IL1RAPL2: variants seen among roughly 807,000 people sequenced by gnomAD.
IL1RAPL2 encodes the protein interleukin 1 receptor accessory protein like 2.
A neutral mutation model predicts 44.1 loss-of-function variants in IL1RAPL2; 3 were observed. The observed-to-expected ratio is 0.07, with a 90% CI of 0.03 to 0.18. IL1RAPL2 has a LOEUF of 0.18. Among genes scored for constraint, IL1RAPL2 ranks in the 10% least tolerant of loss-of-function variants. IL1RAPL2 has a pLI of 1.00. For missense variants in IL1RAPL2, 391 were observed against 496.4 expected, an observed-to-expected ratio of 0.79 and a Z score of 2.02; for synonymous variants, 181 against 178.8, an observed-to-expected ratio of 1.01 and a Z score of -0.10.
intron 6 of IL1RAPL2, among the ~76,000 whole-genome samples, chrX:105,522,832 T>G (rs779493839): frequency 8.9e-6 from 1 of 111,789 alleles, no homozygotes; most frequent in African/African-American, 3.2e-5. Context: ...CAATAATCAG[T>G]ATCCTGTTTG....
At chrX:104,903,443 T>G (rs1923876123) in intron 2 of IL1RAPL2, among the ~76,000 whole-genome samples, 1 of 107,085 alleles carries the variant, frequency 9.3e-6, no homozygotes, top group South Asian at 3.8e-4. Flanking sequence ...GTAAACACCA[T>G]AGTAAAAAAA....
chrX:105,045,541 C>T (rs769673181), intron 2 of IL1RAPL2, among the ~76,000 whole-genome samples: 1 of 110,809 alleles, frequency 9.0e-6, no homozygotes, highest in East Asian at 2.9e-4. Flanking sequence ...TACTGCTTGA[C>T]TTTTATTGTG....
intron 1 of IL1RAPL2, among the ~76,000 whole-genome samples, chrX:104,572,639 G>A (rs1928168593): frequency 9.0e-6 from 1 of 111,405 alleles, no homozygotes; most frequent in Non-Finnish European, 1.9e-5. Context: ...CTGCCACCCA[G>A]GCTGGAGTGC....
chrX:104,885,092 C>T (rs1448216932), intron 2 of IL1RAPL2, among the ~76,000 whole-genome samples: 1 of 111,875 alleles, frequency 8.9e-6, no homozygotes, highest in Non-Finnish European at 1.9e-5. Flanking sequence ...TAGGGCAAAC[C>T]TTCAACCTCA....
intron 1 of IL1RAPL2, among the ~76,000 whole-genome samples, chrX:104,604,471 G>A (rs1928958559): frequency 9.1e-6 from 1 of 110,435 alleles, no homozygotes; most frequent in Admixed American, 9.7e-5. Flanking sequence ...TACCATAAAT[G>A]TAAATGGGCT....
rs961668342 is a variant in IL1RAPL2, at chrX:105,740,703, T to G, written c.1048+12T>G. ...GCTGCGTAAAAAGGGTATTTATTTT[T>G]ATAACTATAACTATGGTTTGCTTAG... On this transcript the variant is annotated intron_variant, in intron 8 of 10. Coordinates refer to ENST00000372582, the MANE Select transcript of IL1RAPL2 (RefSeq NM_017416.2). 4 of 1,183,432 alleles carry G rather than the reference T, an allele frequency of 3.4e-6. No homozygotes were observed. The highest frequency in any genetic ancestry group is 4.6e-6 in the Non-Finnish European group (4 of 874,682).
chrX:105,073,356 C>T (rs1326184790), intron 2 of IL1RAPL2, among the ~76,000 whole-genome samples: 1 of 106,869 alleles, frequency 9.4e-6, no homozygotes, highest in Non-Finnish European at 1.9e-5. Context: ...CATCCGTGTC[C>T]CTACAAAGGA....
At chrX:105,473,078 A>G (rs2036175755) in intron 5 of IL1RAPL2, among the ~76,000 whole-genome samples, 1 of 111,468 alleles carries the variant, frequency 9.0e-6, no homozygotes, top group South Asian at 3.8e-4. Flanking sequence ...TCTCATAGGA[A>G]TGTTGTGAGG....
At chrX:105,515,061 T>C (rs997566613) in intron 6 of IL1RAPL2, among the ~76,000 whole-genome samples, 1 of 112,083 alleles carries the variant, frequency 8.9e-6, no homozygotes, top group Non-Finnish European at 1.9e-5. Flanking sequence ...ATGCTACTCC[T>C]AGGCTCTGAT....
At chrX:105,290,158 C>T (rs1210439259) in intron 5 of IL1RAPL2, among the ~76,000 whole-genome samples, 1 of 111,300 alleles carries the variant, frequency 9.0e-6, no homozygotes, top group African/African-American at 3.3e-5. Flanking sequence ...TTAAGAGTAT[C>T]TCTTCACTCC....
At chrX:105,163,638 C>G (rs1332250823) in intron 2 of IL1RAPL2, among the ~76,000 whole-genome samples, 1 of 111,948 alleles carries the variant, frequency 8.9e-6, no homozygotes, top group Non-Finnish European at 1.9e-5. Flanking sequence ...GATACCACAA[C>G]AAATACATTC....
chrX:105,609,723 ACCAGC>A (rs897906846), intron 6 of IL1RAPL2, among the ~76,000 whole-genome samples: 5 of 111,117 alleles, frequency 4.5e-5, no homozygotes, highest in Non-Finnish European at 9.4e-5. Flanking sequence ...GCCTAAAGTG[ACCAGC>A]CTCATGCCAA....
intron 6 of IL1RAPL2, among the ~76,000 whole-genome samples, chrX:105,498,733 A>G (rs1448964672): frequency 8.9e-6 from 1 of 111,734 alleles, no homozygotes; most frequent in African/African-American, 3.3e-5. Flanking sequence ...CAATAGAAAT[A>G]AACCCATGTA....
intron 2 of IL1RAPL2, among the ~76,000 whole-genome samples, chrX:105,102,095 T>C (rs1048617141): frequency 1.8e-5 from 2 of 111,945 alleles, no homozygotes; most frequent in African/African-American, 6.5e-5. Flanking sequence ...TAGTCCCATC[T>C]AGTTTTCGAG....
At chrX:105,268,519 A>G (rs775020983) in intron 5 of IL1RAPL2, among the ~76,000 whole-genome samples, 1 of 110,424 alleles carries the variant, frequency 9.1e-6, no homozygotes, top group East Asian at 2.9e-4. Flanking sequence ...CAATCCCAGC[A>G]CTTTGGGAGG....
intron 1 of IL1RAPL2, among the ~76,000 whole-genome samples, chrX:104,642,004 A>C (rs1402229886): frequency 4.5e-5 from 5 of 111,270 alleles, no homozygotes; most frequent in Non-Finnish European, 7.5e-5. Flanking sequence ...TGTTAGTTTC[A>C]GGGTTTGGCA....
At chrX:105,013,925 G>A (rs2031115567) in intron 2 of IL1RAPL2, among the ~76,000 whole-genome samples, 1 of 112,205 alleles carries the variant, frequency 8.9e-6, no homozygotes, top group African/African-American at 3.2e-5. Context: ...TAAGCTACTG[G>A]TAAACAGGGC....
At chrX:105,687,109 C>T (rs2147528270) in intron 6 of IL1RAPL2, among the ~76,000 whole-genome samples, 1 of 111,752 alleles carries the variant, frequency 8.9e-6, no homozygotes, top group African/African-American at 3.2e-5. Context: ...TAAATGCCCA[C>T]AAGAGAAAGC....
intron 5 of IL1RAPL2, among the ~76,000 whole-genome samples, chrX:105,458,642 C>T (rs910584164): frequency 1.8e-5 from 2 of 111,396 alleles, no homozygotes; most frequent in African/African-American, 6.5e-5. Context: ...CCTCTATGGC[C>T]ATCTCATTAC....
Sources: gnomAD v4.1 joint callset for allele counts (sites outside exome capture counted in the v4.1 genomes callset) on GRCh38, gnomAD v4.1.1 for gene constraint, MANE v1.5 for transcripts, NCBI Gene and HGNC (gene_info 2026-07-23, HGNC 2026-07-21) for gene names.